Variants in SIL1 observed in about 807,000 individuals in gnomAD.
The protein encoded by SIL1 is SIL1 nucleotide exchange factor.
A neutral mutation model predicts 49.1 loss-of-function variants in SIL1; 40 were observed. The observed-to-expected ratio is 0.81, with a 90% CI of 0.63 to 1.06. The LOEUF (loss-of-function observed/expected upper bound fraction) is 1.06, where lower values mean the gene tolerates loss of function less well. SIL1 is among the 50% of genes least tolerant of loss of function. SIL1 has a pLI of 0.00. For missense variants in SIL1, 500 were observed against 572.6 expected, an observed-to-expected ratio of 0.87 and a Z score of 1.29; for synonymous variants, 253 against 250.8, an observed-to-expected ratio of 1.01 and a Z score of -0.08.
intron 1 of SIL1, among the ~76,000 whole-genome samples, chr5:139,160,962 GGCTGGGC>G (rs919188604): frequency 2.0e-5 from 3 of 152,190 alleles, no homozygotes; most frequent in Non-Finnish European, 4.4e-5. Flanking sequence ...AAGAATAACA[GGCTGGGC>G]GCGGTGGCTC....
At chr5:139,059,646 G>A (rs965554273) in intron 3 of SIL1, among the ~76,000 whole-genome samples, 2 of 152,074 alleles carry the variant, frequency 1.3e-5, no homozygotes, top group Non-Finnish European at 2.9e-5. Context: ...ATCAACAGAT[G>A]TACAATATAT....
intron 1 of SIL1, among the ~76,000 whole-genome samples, chr5:139,158,275 A>G (rs1751442658): frequency 6.6e-6 from 1 of 152,254 alleles, no homozygotes; most frequent in Non-Finnish European, 1.5e-5. Context: ...GAAAGTTAAT[A>G]GTGTAAGCTA....
intron 4 of SIL1, among the ~76,000 whole-genome samples, chr5:139,046,332 G>A (rs549635230): frequency 6.9e-4 from 103 of 150,242 alleles, no homozygotes; most frequent in African/African-American, 1.6e-3. Context: ...GTCTTATGGG[G>A]AAAAAAAAAA....
intron 1 of SIL1, among the ~76,000 whole-genome samples, chr5:139,128,513 G>C (rs947531610): frequency 1.3e-5 from 2 of 152,036 alleles, no homozygotes; most frequent in Non-Finnish European, 2.9e-5. Context: ...GCTAGGCATG[G>C]TGGTGTGAGC....
chr5:139,195,714 T>C (rs780428456), intron 1 of SIL1, among the ~76,000 whole-genome samples: 2 of 152,178 alleles, frequency 1.3e-5, no homozygotes, highest in Non-Finnish European at 2.9e-5. Context: ...TAGTGGTACA[T>C]TGAGCCCCAG....
chr5:139,022,264 C>T (rs1036410884), intron 6 of SIL1: 2 of 152,250 alleles, frequency 1.3e-5, no homozygotes, highest in Non-Finnish European at 2.9e-5. Flanking sequence ...TGCTACCCAT[C>T]TTTCTCCTCC....
intron 7 of SIL1, among the ~76,000 whole-genome samples, chr5:138,969,681 T>C (rs1293496839): frequency 6.6e-6 from 1 of 152,198 alleles, no homozygotes; most frequent in Non-Finnish European, 1.5e-5. Context: ...AGTTGACAAA[T>C]ACCATATACG....
chr5:139,187,910 C>T (rs1396128615), intron 1 of SIL1: 3 of 152,238 alleles, frequency 2.0e-5, no homozygotes, highest in Non-Finnish European at 4.4e-5. Context: ...TGAGTTCTCA[C>T]AGGATCTGGC....
At chr5:139,166,293 T>C (rs1331669410) in intron 1 of SIL1, among the ~76,000 whole-genome samples, 1 of 152,204 alleles carries the variant, frequency 6.6e-6, no homozygotes, top group Non-Finnish European at 1.5e-5. Context: ...ACAATGGAGC[T>C]GAAACATTCC....
intron 7 of SIL1, among the ~76,000 whole-genome samples, chr5:139,008,980 G>A (rs1410238133): frequency 1.4e-4 from 21 of 151,210 alleles, no homozygotes; most frequent in South Asian, 1.3e-3. Context: ...TATTAGGTCC[G>A]TTTGGTGCAG....
intron 7 of SIL1, among the ~76,000 whole-genome samples, chr5:139,010,552 C>T (rs1332369365): frequency 2.0e-5 from 3 of 151,682 alleles, no homozygotes; most frequent in Non-Finnish European, 1.5e-5. Flanking sequence ...ATTTTTAGAG[C>T]TTCCAGTTTT....
intron 6 of SIL1, 135 bp downstream of exon 6, chr5:139,026,666 C>G: frequency 1.2e-6 from 1 of 851,066 alleles, no homozygotes; most frequent in Non-Finnish European, 1.9e-6. Flanking sequence ...CAAAAGATAA[C>G]AAGACTAGAT....
chr5:139,134,961 C>T (rs1055842961), intron 1 of SIL1, among the ~76,000 whole-genome samples: 6 of 152,074 alleles, frequency 3.9e-5, no homozygotes, highest in Admixed American at 2.0e-4. Flanking sequence ...GGAGAAACAA[C>T]GCAAAGAGGA....
chr5:138,962,542 C>A (rs914676885), intron 7 of SIL1, among the ~76,000 whole-genome samples: 1 of 152,188 alleles, frequency 6.6e-6, no homozygotes, highest in African/African-American at 2.4e-5. Flanking sequence ...ATTTTATATA[C>A]ATAAACATAC....
intron 1 of SIL1, among the ~76,000 whole-genome samples, chr5:139,172,938 C>T (rs1236006166): frequency 6.6e-6 from 1 of 151,860 alleles, no homozygotes; most frequent in Non-Finnish European, 1.5e-5. Flanking sequence ...GCTGATGCCC[C>T]CATGATCCCA....
At chr5:139,121,915 G>A (rs1001788693) in intron 2 of SIL1, among the ~76,000 whole-genome samples, 2 of 152,170 alleles carry the variant, frequency 1.3e-5, no homozygotes, top group East Asian at 3.8e-4. Context: ...TAAATACAAA[G>A]TATTATTCAT....
chr5:139,002,781 T>C (rs1302381895), intron 7 of SIL1, among the ~76,000 whole-genome samples: 1 of 152,204 alleles, frequency 6.6e-6, no homozygotes, highest in Non-Finnish European at 1.5e-5. Context: ...TCCTTCCAAC[T>C]GGCTTACTCC....
chr5:138,957,089 CACACACACAAT>C (rs941105304), intron 7 of SIL1, among the ~76,000 whole-genome samples: 3 of 152,082 alleles, frequency 2.0e-5, no homozygotes, highest in Non-Finnish European at 4.4e-5. Context: ...TACTGACAGA[CACACACACAAT>C]ACACACACAC....
chr5:138,991,059 G>A (rs1035659696), intron 7 of SIL1, among the ~76,000 whole-genome samples: 2 of 152,192 alleles, frequency 1.3e-5, no homozygotes, highest in East Asian at 3.9e-4. Context: ...TCCTTTTTCC[G>A]GGTGATCTGA....
Sources: gnomAD v4.1 joint callset for allele counts (sites outside exome capture counted in the v4.1 genomes callset) on GRCh38, gnomAD v4.1.1 for gene constraint, MANE v1.5 for transcripts, NCBI Gene and HGNC (gene_info 2026-07-23, HGNC 2026-07-21) for gene names.